PCDHGA5: variants seen among roughly 807,000 people sequenced by gnomAD.
PCDHGA5 encodes protocadherin gamma-A5.
A neutral mutation model predicts 56.7 loss-of-function variants in PCDHGA5; 36 were observed. That is an observed-to-expected ratio of 0.64 (90% confidence interval 0.49 to 0.84). PCDHGA5 has a LOEUF of 0.84. Ranked by LOEUF, PCDHGA5 falls within the 40% of genes least tolerant of loss-of-function variation. The pLI is 0.00. For synonymous variants in PCDHGA5, 563 were observed against 520.2 expected, an observed-to-expected ratio of 1.08 and a Z score of -1.12; for missense variants, 1,305 against 1,201.5, an observed-to-expected ratio of 1.09 and a Z score of -1.27.
Position 141,510,982 on chromosome 5 carries a change from G to A in PCDHGA5, c.2605G>A (p.Ala869Thr). The A allele has an allele frequency of 3.1e-6, 5 of 1,614,166 alleles. No homozygotes were observed. Among genetic ancestry groups the A allele is most frequent in the Non-Finnish European group, 3.4e-6 (4 of 1,180,018 alleles). Reference protein sequence around the residue: ...ADGSSTLGGGAGTMGLSARYG... With the variant: ...ADGSSTLGGGTGTMGLSARYG... Reference sequence around the variant, plus strand: ...TGGGAGCTCCACCCTGGGAGGGGGTGCCGGCACCATGGGATTGAGCGCCCG... The same window carrying A: ...TGGGAGCTCCACCCTGGGAGGGGGTACCGGCACCATGGGATTGAGCGCCCG... The change falls in exon 4 of 4, where the codon GCC (alanine) becomes ACC (threonine). Residue 869 changes from alanine to threonine, a missense_variant. Coordinates refer to ENST00000518069, the MANE Select transcript of PCDHGA5 (RefSeq NM_018918.3).
chr5:141,423,358 G>T (rs202010010), intron 1 of PCDHGA5: 1 of 1,614,196 alleles, frequency 6.2e-7, no homozygotes, highest in South Asian at 1.1e-5. Flanking sequence ...CTTTGTCATC[G>T]TGCTGCTGGC....
chr5:141,408,509 G>T, intron 1 of PCDHGA5: 1 of 1,614,048 alleles, frequency 6.2e-7, no homozygotes, highest in Non-Finnish European at 8.5e-7. Flanking sequence ...AAGAAGATGT[G>T]AGTTGCAATT....
chr5:141,469,499 C>T lies in PCDHGA5; in HGVS notation c.2422-25308C>T, dbSNP rs1023274165. Among the ~76,000 whole-genome samples, 22 of 152,128 alleles carry T rather than the reference C, an allele frequency of 1.4e-4. 1 individual carries two copies. The highest frequency in any genetic ancestry group is 3.9e-4 in the African/African-American group (16 of 41,510). On this transcript the variant is annotated intron_variant, in intron 1 of 3. Coordinates refer to ENST00000518069, the MANE Select transcript of PCDHGA5 (RefSeq NM_018918.3). ...CTGAGGCAGGAGAATCGCTTGAACC[C>T]GGGAGGTGGAGGTTGCAGTGAGCCA...
chr5:141,392,145 C>T (rs2150471723), intron 1 of PCDHGA5: 1 of 152,264 alleles, frequency 6.6e-6, no homozygotes, highest in East Asian at 1.9e-4. Context: ...GTAGTTTAAA[C>T]CAAATAAAAC....
chr5:141,376,606 A>C (rs1349467952), intron 1 of PCDHGA5: 1 of 1,502,986 alleles, frequency 6.7e-7, no homozygotes, highest in African/African-American at 1.4e-5. Context: ...TATAGAAGCG[A>C]ACCTCTTTTG....
intron 1 of PCDHGA5, chr5:141,419,727 C>G (rs1344063538): frequency 6.2e-7 from 1 of 1,613,582 alleles, no homozygotes; most frequent in Admixed American, 1.7e-5. Flanking sequence ...GGGCTGCGAA[C>G]AGGCGAGGTG....
intron 1 of PCDHGA5, chr5:141,471,166 C>T (rs1427053969): frequency 2.0e-5 from 3 of 150,492 alleles, no homozygotes; most frequent in Non-Finnish European, 2.9e-5. Context: ...TCTCCTGGCT[C>T]AGCCTCCCTA....
Position 141,438,625 on chromosome 5 carries a change from TATATATATATACAC to T in PCDHGA5, c.2422-56180_2422-56167del, listed in dbSNP as rs1291649000. Among the ~76,000 whole-genome samples, 88 of 46,398 alleles carry T rather than the reference TATATATATATACAC, an allele frequency of 1.9e-3. 1 individual carries two copies. The highest frequency in any genetic ancestry group is 8.6e-3 in the African/African-American group (72 of 8,380). 30.4% of individuals were successfully genotyped at this position (46,398 alleles called of 152,430 possible). A position where few individuals can be genotyped will look rare whatever the true frequency, so the allele number is the denominator to read the frequency against. ...ATATATATATATATATATATATATATATATATATATACACACACACACACACATATATGTATATA... is the reference window on the plus strand; with the variant it reads ...ATATATATATATATATATATATATATACACACACACACATATATGTATATA... On this transcript the variant is annotated intron_variant, in intron 1 of 3. Transcript: ENST00000518069.
chr5:141,442,930 T>C (rs77210959), intron 1 of PCDHGA5, among the ~76,000 whole-genome samples: 6,420 of 152,302 alleles, frequency 0.042, 216 homozygotes, highest in African/African-American at 0.092. Flanking sequence ...TCATTTTCTA[T>C]TTAAGAAACT....
chr5:141,422,734 T>A, intron 1 of PCDHGA5: 2 of 1,608,114 alleles, frequency 1.2e-6, no homozygotes, highest in Non-Finnish European at 1.7e-6. Context: ...GGTGCCTCTG[T>A]CCTCCTATGT....
intron 1 of PCDHGA5, chr5:141,388,961 G>C: frequency 6.2e-7 from 1 of 1,614,042 alleles, no homozygotes; most frequent in Non-Finnish European, 8.5e-7. Flanking sequence ...AGGACGCCGA[G>C]CTGGGAACAC....
chr5:141,494,801 C>T lies in PCDHGA5; in HGVS notation c.2422-6C>T, dbSNP rs2099757031. ...CTCAGCCCCTTTCCCTCTGTTTTCTCCACAGCAAGCCCCGCCCAACACGGA... is the reference window on the plus strand; with the variant it reads ...CTCAGCCCCTTTCCCTCTGTTTTCTTCACAGCAAGCCCCGCCCAACACGGA... On this transcript the variant is annotated splice_polypyrimidine_tract_variant and splice_region_variant and intron_variant, in intron 1 of 3. Transcript: ENST00000518069. The T allele has an allele frequency of 6.2e-7, 1 of 1,614,146 alleles. No individual in the cohort carries two copies. The highest frequency in any genetic ancestry group is 2.2e-5 in the East Asian group (1 of 44,880).
At chr5:141,460,981 GTGTATA>G (rs1450537646) in intron 1 of PCDHGA5, among the ~76,000 whole-genome samples, 10 of 121,882 alleles carry the variant, frequency 8.2e-5, no homozygotes, top group African/African-American at 3.1e-4. Flanking sequence ...GTGTGTGTGT[GTGTATA>G]TATATATATG....
rs775312856 is a variant in PCDHGA5, at chr5:141,485,899, C to G, written c.2422-8908C>G. 1.9e-6 allele frequency: 3 copies of G among 1,614,166 alleles called. No homozygotes were observed. Among genetic ancestry groups the G allele is most frequent in the Non-Finnish European group, 2.5e-6 (3 of 1,180,032 alleles). ...ACGTAAACGACAACGCCCCAGCCTT[C>G]CAGCAATCCAGCTACAGGATTAGTG... On this transcript the variant is annotated intron_variant, in intron 1 of 3. Transcript: ENST00000518069. The surrounding 1 kb of genome is among the most constrained non-coding windows in gnomAD (Gnocchi z 5.7).
intron 1 of PCDHGA5, chr5:141,374,258 T>C: frequency 2.5e-6 from 4 of 1,613,924 alleles, no homozygotes; most frequent in East Asian, 2.2e-5. Flanking sequence ...GCCCCAGGAG[T>C]TGGCGGAGCA....
At chr5:141,410,595 C>T (rs753833671) in intron 1 of PCDHGA5, 1 of 1,608,802 alleles carries the variant, frequency 6.2e-7, no homozygotes. Flanking sequence ...GAGGATTTGA[C>T]TTCACATCCT....
chr5:141,435,804 A>AT (rs2097781092), intron 1 of PCDHGA5, among the ~76,000 whole-genome samples: 1 of 151,814 alleles, frequency 6.6e-6, no homozygotes, highest in Non-Finnish European at 1.5e-5. Flanking sequence ...CGTCCCAATT[A>AT]TTTTTTCTTT....
In PCDHGA5 at chr5:141,487,198, T is replaced by C; in HGVS notation, c.2422-7609T>C. ...AAGACACTCATCCAGTTGTCCCAGA[T>C]CTTCGAGAATCTTCAGCTCCAAGGG... On this transcript the variant is annotated intron_variant, in intron 1 of 3. Transcript: ENST00000518069. The surrounding 1 kb of genome is among the most constrained non-coding windows in gnomAD (Gnocchi z 5.0). The C allele has an allele frequency of 6.2e-7, 1 of 1,613,854 alleles. No homozygotes were observed.
chr5:141,432,481 C>G lies in PCDHGA5; in HGVS notation c.2422-62326C>G. 6.2e-7 allele frequency: 1 copy of G among 1,614,198 alleles called. No homozygotes were observed. On this transcript the variant is annotated intron_variant, in intron 1 of 3. Coordinates refer to ENST00000518069, the MANE Select transcript of PCDHGA5 (RefSeq NM_018918.3). This position sits in a 1 kb window ranked among gnomAD's most constrained non-coding sequence, Gnocchi z 6.0. ...CCCTCCCCACGGACGGTTCCACTGG[C>G]GTGGAGCTGGCTCCCCGCTCCGCAG...
Sources: gnomAD v4.1 joint callset for allele counts (sites outside exome capture counted in the v4.1 genomes callset) on GRCh38, gnomAD v4.1.1 for gene constraint, Gnocchi (gnomAD v3.1) non-coding constraint, MANE v1.5 for transcripts, NCBI Gene and HGNC (gene_info 2026-07-23, HGNC 2026-07-21) for gene names.